Variants in NADK observed in about 807,000 individuals in gnomAD.
NADK encodes the protein poly(P)/ATP NAD kinase.
A neutral mutation model predicts 49.8 loss-of-function variants in NADK; 22 were observed. The observed-to-expected ratio is 0.44, with a 90% confidence interval of 0.32 to 0.63. The LOEUF (loss-of-function observed/expected upper bound fraction) is 0.63. NADK is among the 30% of genes least tolerant of loss of function. The pLI, the probability that NADK is intolerant of heterozygous loss-of-function variation, is 0.06. For synonymous variants in NADK, 268 were observed against 253.7 expected, an observed-to-expected ratio of 1.06 and a Z score of -0.54; for missense variants, 438 against 609.4, an observed-to-expected ratio of 0.72 and a Z score of 2.96.
intron 1 of NADK, among the ~76,000 whole-genome samples, chr1:1,770,060 A>AG (rs772984745): frequency 5.2e-4 from 79 of 152,120 alleles, no homozygotes; most frequent in Non-Finnish European, 9.1e-4. Flanking sequence ...CCAGCTATGC[A>AG]GGAGGCTGAG....
chr1:1,753,709 C>T, intron 10 of NADK, 60 bp from the exon 11 acceptor site: 1 of 1,455,440 alleles, frequency 6.9e-7, no homozygotes, highest in Non-Finnish European at 9.5e-7. Context: ...CTTCTAGGCA[C>T]CCACCCCTGA....
chr1:1,773,880 A>G (rs1469336141), intron 1 of NADK, among the ~76,000 whole-genome samples: 2 of 152,034 alleles, frequency 1.3e-5, no homozygotes, highest in African/African-American at 4.8e-5. Flanking sequence ...GACTACAGGC[A>G]TGAGCCACTA....
chr1:1,771,051 A>ATAT lies in NADK; in HGVS notation c.-40-5606_-40-5605insATA, dbSNP rs1329076477. On this transcript the variant is annotated intron_variant, in intron 1 of 11. Coordinates refer to ENST00000341426, the MANE Select transcript of NADK (RefSeq NM_023018.5). ...GTGAGATTTCATCTTATAAAAAAAA[A>ATAT]AAAAATATATATATATATATATATA... Among the ~76,000 whole-genome samples the ATAT allele has an allele frequency of 3.4e-4, 50 of 145,154 alleles. No homozygotes were observed. The East Asian group carries it at 6.7e-3, about 19-fold the overall frequency.
intron 3 of NADK, chr1:1,759,583 G>T (rs999295459): frequency 2.1e-6 from 2 of 962,692 alleles, no homozygotes; most frequent in African/African-American, 3.3e-5. Context: ...AGGGAAGACG[G>T]AAGTTCAGAT....
intron 3 of NADK, chr1:1,759,646 T>A: frequency 7.1e-7 from 1 of 1,408,404 alleles, no homozygotes; most frequent in Non-Finnish European, 9.6e-7. Flanking sequence ...GAGGTTATGA[T>A]CCCAGAGACA....
chr1:1,772,333 T>C (rs140715652), intron 1 of NADK, among the ~76,000 whole-genome samples: 1 of 152,176 alleles, frequency 6.6e-6, no homozygotes, highest in African/African-American at 2.4e-5. Context: ...TGACTAATTT[T>C]TGTATTTTTT....
intron 2 of NADK, among the ~76,000 whole-genome samples, chr1:1,763,627 A>G (rs1294496024): frequency 1.5e-5 from 2 of 132,132 alleles, no homozygotes; most frequent in Non-Finnish European, 3.3e-5. Flanking sequence ...TCAAAAAAAA[A>G]AAAAAAAAGA....
intron 11 of NADK, 41 bp from the exon 12 acceptor site, chr1:1,753,101 A>C: frequency 6.3e-7 from 1 of 1,580,920 alleles, no homozygotes; most frequent in East Asian, 2.3e-5. Flanking sequence ...GGCTTCCAGA[A>C]AGGCCCACCC....
chr1:1,767,977 AG>A (rs1414313713), intron 1 of NADK, among the ~76,000 whole-genome samples: 1 of 152,084 alleles, frequency 6.6e-6, no homozygotes, highest in East Asian at 1.9e-4. Flanking sequence ...GCTCAAGACC[AG>A]CCTGACCAAC....
chr1:1,777,274 A>T (rs944416535), intron 1 of NADK, among the ~76,000 whole-genome samples: 2 of 152,234 alleles, frequency 1.3e-5, no homozygotes, highest in African/African-American at 4.8e-5. Context: ...AGAAGTTCCA[A>T]GGGGACAGGA....
At chr1:1,756,057 G>A (rs974247985) in intron 6 of NADK, 3 of 614,670 alleles carry the variant, frequency 4.9e-6, no homozygotes, top group Non-Finnish European at 8.7e-6. Flanking sequence ...GCCACCCCCA[G>A]CCGTAGCACT....
Position 1,759,081 on chromosome 1 carries a change from C to T in NADK, c.264-1771G>A, listed in dbSNP as rs747130339. The stretch of plus-strand genomic sequence containing the variant: ...TGCACACGGCTCCCCCTGCTCTCCC[C>T]GCCAACAGTCACCACTGACCCAGTG... On this transcript the variant is annotated intron_variant, in intron 3 of 11. Transcript: ENST00000341426. The T allele has an allele frequency of 3.0e-5, 45 of 1,514,740 alleles. No individual in the cohort carries two copies. The East Asian group carries it at 8.8e-4, about 30-fold the overall frequency. The allele number at this position is 1,514,740 out of a possible 1,614,324, so 93.8% of individuals were successfully genotyped here. A position where few individuals can be genotyped will look rare whatever the true frequency, so the allele number is the denominator to read the frequency against.
intron 1 of NADK, among the ~76,000 whole-genome samples, chr1:1,775,669 C>T (rs983274990): frequency 1.3e-5 from 2 of 152,222 alleles, no homozygotes; most frequent in African/African-American, 4.8e-5. Flanking sequence ...GAAGGCCAGG[C>T]ATCACCTCCC....
chr1:1,769,061 G>A (rs1645968653), intron 1 of NADK, among the ~76,000 whole-genome samples: 1 of 152,244 alleles, frequency 6.6e-6, no homozygotes, highest in South Asian at 2.1e-4. Flanking sequence ...GAGCTCCCCA[G>A]AAGATTCTAA....
chr1:1,753,087 C>T (rs1229875210), intron 11 of NADK, 27 bp from the exon 12 acceptor site: 16 of 1,588,284 alleles, frequency 1.0e-5, no homozygotes, highest in Non-Finnish European at 1.2e-5. Flanking sequence ...GCAGCCTGAG[C>T]CAGGGCTTCC....
rs1366591963 is a variant in NADK, at chr1:1,754,410, CAG to C, written c.844-29_844-28del. The C allele has an allele frequency of 6.2e-7, 1 of 1,612,038 alleles. No homozygotes were observed. The highest frequency in any genetic ancestry group is 1.7e-5 in the Admixed American group (1 of 59,980). ...TGGAGGGGCGACAGCATTGCACACTCAGGGCGGGGGATGCCGCACGGCTCGCA... is the reference window on the plus strand; with the variant it reads ...TGGAGGGGCGACAGCATTGCACACTCGGCGGGGGATGCCGCACGGCTCGCA... On this transcript the variant is annotated intron_variant, in intron 8 of 11. Coordinates refer to ENST00000341426, the MANE Select transcript of NADK (RefSeq NM_023018.5). The surrounding 1 kb of genome is among the most constrained non-coding windows in gnomAD (Gnocchi z 4.3).
At chr1:1,769,456 CAGG>C (rs1365749201) in intron 1 of NADK, among the ~76,000 whole-genome samples, 1 of 152,056 alleles carries the variant, frequency 6.6e-6, no homozygotes, top group Non-Finnish European at 1.5e-5. Context: ...GAGGCTGAGG[CAGG>C]AGAATGGCGT....
At chr1:1,757,339 C>A (rs1469742193) in intron 3 of NADK, 29 bp from the exon 4 acceptor site, 4 of 1,557,910 alleles carry the variant, frequency 2.6e-6, no homozygotes, top group Non-Finnish European at 3.5e-6. Flanking sequence ...GAGTTCACAC[C>A]AGCTGCGATC....
chr1:1,753,215 G>A (rs1041164016), intron 11 of NADK, among the ~76,000 whole-genome samples, 155 bp from the exon 12 acceptor site: 1 of 152,210 alleles, frequency 6.6e-6, no homozygotes, highest in Non-Finnish European at 1.5e-5. Flanking sequence ...AGTGCCCCAT[G>A]GGTGCTGGGA....
Sources: gnomAD v4.1 joint callset for allele counts (sites outside exome capture counted in the v4.1 genomes callset) on GRCh38, gnomAD v4.1.1 for gene constraint, Gnocchi (gnomAD v3.1) non-coding constraint, MANE v1.5 for transcripts, NCBI Gene and HGNC (gene_info 2026-07-23, HGNC 2026-07-21) for gene names.